Variants in PVT1 observed in about 807,000 individuals in gnomAD.
The protein encoded by PVT1 is Pvt1 oncogene.
At chr8:127,969,921 C>T (rs1213082123) in intron 3 of PVT1, among the ~76,000 whole-genome samples, 1 of 152,202 alleles carries the variant, frequency 6.6e-6, no homozygotes, top group Non-Finnish European at 1.5e-5. Flanking sequence ...CAGCGCTGTC[C>T]ATCCAGTCTG....
At chr8:127,873,565 C>T (rs1369899273) in intron 2 of PVT1, among the ~76,000 whole-genome samples, 1 of 152,040 alleles carries the variant, frequency 6.6e-6, no homozygotes, top group Non-Finnish European at 1.5e-5. Flanking sequence ...CATGGATTGT[C>T]TCATTTTATC....
At chr8:127,815,230 G>GT (rs1814646006) in intron 2 of PVT1, among the ~76,000 whole-genome samples, 1 of 152,200 alleles carries the variant, frequency 6.6e-6, no homozygotes, top group Admixed American at 6.5e-5. Context: ...GCCTCCCTAA[G>GT]TGCTGGGATT....
chr8:128,098,691 C>T (rs1196609966), intron 6 of PVT1, among the ~76,000 whole-genome samples: 10 of 152,184 alleles, frequency 6.6e-5, no homozygotes, highest in Admixed American at 2.0e-4. Context: ...TGTAAGCACT[C>T]GGTGTGAAAT....
chr8:127,859,895 G>A (rs530126276), intron 2 of PVT1, among the ~76,000 whole-genome samples: 1 of 152,028 alleles, frequency 6.6e-6, no homozygotes, highest in African/African-American at 2.4e-5. Context: ...AAGCAGAGAG[G>A]CTGAGTCATA....
At chr8:127,929,535 G>A (rs185251992) in intron 3 of PVT1, among the ~76,000 whole-genome samples, 2 of 152,304 alleles carry the variant, frequency 1.3e-5, no homozygotes, top group Admixed American at 6.5e-5. Flanking sequence ...GGGAGGCCGA[G>A]GCAGGCGGAT....
At chr8:127,875,915 CT>C (rs1437905756) in intron 2 of PVT1, among the ~76,000 whole-genome samples, 1 of 152,056 alleles carries the variant, frequency 6.6e-6, no homozygotes, top group Non-Finnish European at 1.5e-5. Flanking sequence ...AGGCCTCATG[CT>C]GGAAAGAGAT....
chr8:127,825,757 T>C (rs1216523560), intron 2 of PVT1, among the ~76,000 whole-genome samples: 1 of 152,184 alleles, frequency 6.6e-6, no homozygotes, highest in Non-Finnish European at 1.5e-5. Context: ...GTACATACCT[T>C]CTTCATATGG....
chr8:128,006,611 T>C (rs1464996069), intron 4 of PVT1, among the ~76,000 whole-genome samples: 2 of 152,244 alleles, frequency 1.3e-5, no homozygotes, highest in Admixed American at 1.3e-4. Flanking sequence ...AATTCTTGTC[T>C]GAAACAGTTA....
rs75480792 is a variant in PVT1, at chr8:128,020,280, T to A, written n.912+30989T>A. On this transcript the variant is annotated intron_variant and non_coding_transcript_variant, in intron 4 of 10. Coordinates refer to ENST00000651587, the Ensembl canonical transcript of PVT1. ...TATATGGCAAAGGGGACTTTGCAGA[T>A]GTAATTAAGGTTACTAATCAATTGA... Among the ~76,000 whole-genome samples the A allele has an allele frequency of 4.2e-3, 640 of 152,350 alleles. 6 individuals carry two copies. Among genetic ancestry groups the A allele is most frequent in the East Asian group, 0.037 (190 of 5,190 alleles).
At chr8:128,058,345 C>T (rs912757459) in intron 4 of PVT1, among the ~76,000 whole-genome samples, 6 of 151,874 alleles carry the variant, frequency 4.0e-5, no homozygotes, top group African/African-American at 1.5e-4. Context: ...ACCCTTATAT[C>T]ACTTAGATGT....
chr8:127,975,333 A>C (rs1816811702), intron 3 of PVT1, among the ~76,000 whole-genome samples: 2 of 152,216 alleles, frequency 1.3e-5, no homozygotes, highest in Non-Finnish European at 1.5e-5. Context: ...TAGCTTAAAA[A>C]AATTATCATT....
chr8:127,952,966 A>C lies in PVT1; in HGVS notation n.783-36196A>C, dbSNP rs6470594. ...TTTTTAGTAGAGACGGGGTTTCACC[A>C]TGTTGGCCAGGATGGTCTCGATCTC... On this transcript the variant is annotated intron_variant and non_coding_transcript_variant, in intron 3 of 10. Transcript: ENST00000651587. 8.9e-4 allele frequency among the ~76,000 whole-genome samples: 135 copies of C among 151,688 alleles called. No individual in the cohort carries two copies. In the Middle Eastern group the frequency reaches 0.01, roughly 11 times the overall value.
intron 3 of PVT1, among the ~76,000 whole-genome samples, chr8:127,952,688 C>T (rs929121050): frequency 1.1e-4 from 16 of 152,110 alleles, no homozygotes; most frequent in Admixed American, 2.6e-4. Context: ...TCCGATGAGG[C>T]AACAGAGGCA....
intron 4 of PVT1, among the ~76,000 whole-genome samples, chr8:128,064,834 A>G (rs1813882355): frequency 6.6e-6 from 1 of 152,246 alleles, no homozygotes; most frequent in African/African-American, 2.4e-5. Context: ...TTACAGTTAC[A>G]TAGGAATTAT....
intron 3 of PVT1, among the ~76,000 whole-genome samples, chr8:127,920,788 G>C (rs993496621): frequency 6.6e-6 from 1 of 152,154 alleles, no homozygotes; most frequent in Non-Finnish European, 1.5e-5. Flanking sequence ...TAACTTAAAG[G>C]CAAAACAGCT....
At chr8:127,894,188 G>T (rs545245398) in intron 3 of PVT1, among the ~76,000 whole-genome samples, 1 of 152,304 alleles carries the variant, frequency 6.6e-6, no homozygotes, top group East Asian at 1.9e-4. Flanking sequence ...ATCCTGGCCA[G>T]GTTCCTGGAG....
chr8:128,098,370 G>A (rs992558080), intron 6 of PVT1, among the ~76,000 whole-genome samples: 2 of 152,122 alleles, frequency 1.3e-5, no homozygotes, highest in African/African-American at 4.8e-5. Flanking sequence ...CCTGGCAGAG[G>A]GGTGCAGGAG....
At chr8:127,910,879 G>C (rs891749765) in intron 3 of PVT1, among the ~76,000 whole-genome samples, 13 of 139,568 alleles carry the variant, frequency 9.3e-5, no homozygotes, top group South Asian at 6.7e-4. Flanking sequence ...TCAGTCTGCT[G>C]TGTGTGTGTG....
chr8:128,030,618 G>A (rs566068596), intron 4 of PVT1, among the ~76,000 whole-genome samples: 1 of 152,308 alleles, frequency 6.6e-6, no homozygotes, highest in Admixed American at 6.5e-5. Flanking sequence ...GTTCCCCAAG[G>A]CAGAGTCAAC....
Sources: allele counts gnomAD v4.1 joint callset (sites outside exome capture counted in the v4.1 genomes callset), GRCh38; gene constraint gnomAD v4.1.1; transcripts MANE v1.5; gene names NCBI Gene and HGNC (gene_info 2026-07-23, HGNC 2026-07-21).